NRIP3: variants seen among roughly 807,000 people sequenced by gnomAD.
The protein encoded by NRIP3 is nuclear receptor interacting protein 3, also known as nuclear receptor-interacting protein 3.
A neutral mutation model predicts 29.0 loss-of-function variants in NRIP3; 31 were observed. The observed-to-expected ratio is 1.07, with a 90% CI of 0.80 to 1.44. The LOEUF is 1.44. Ranked by LOEUF, NRIP3 falls within the 40% of genes most tolerant of loss-of-function variation. The pLI is 0.00. For missense variants in NRIP3, 314 were observed against 297.9 expected, an observed-to-expected ratio of 1.05 and a Z score of -0.40; for synonymous variants, 131 against 118.3, an observed-to-expected ratio of 1.11 and a Z score of -0.70.
chr11:8,998,408 C>G (rs545706661), intron 1 of NRIP3, among the ~76,000 whole-genome samples: 1 of 152,146 alleles, frequency 6.6e-6, no homozygotes, highest in Non-Finnish European at 1.5e-5. Flanking sequence ...CAGCTGCTCA[C>G]GGAGGCTGCA....
chr11:9,002,396 A>G (rs1177611440), intron 1 of NRIP3, among the ~76,000 whole-genome samples: 1 of 152,138 alleles, frequency 6.6e-6, no homozygotes, highest in East Asian at 1.9e-4. Flanking sequence ...GTTAGCATAA[A>G]TCAGATAAAC....
At position 8,983,937 on chromosome 11, in the gene NRIP3, G is replaced by T. The variant is rs777273501; in HGVS notation, c.648C>A (p.Ile216=). 2 of 1,614,172 alleles carry T rather than the reference G, an allele frequency of 1.2e-6. No homozygotes were observed. The highest frequency in any genetic ancestry group is 4.5e-5 in the East Asian group (2 of 44,886). Residue 216 remains isoleucine (I), a synonymous_variant, in exon 6 of 7, where the codon ATC becomes ATA. Coordinates refer to ENST00000309166, the MANE Select transcript of NRIP3 (RefSeq NM_020645.3). ...TTTCTTCCTTGTCTGTCTTCCCCATGATCAGCCGGTGCTTATCCAAGTTTA... is the reference window on the plus strand; with the variant it reads ...TTTCTTCCTTGTCTGTCTTCCCCATTATCAGCCGGTGCTTATCCAAGTTTA... ...CIINLDKHRL[I]MGKTDKEEIP... is the part of the protein sequence containing the mutation.
At position 8,982,734 on chromosome 11, in the gene NRIP3, G is replaced by A. The variant is rs977353044; in HGVS notation, c.*811C>T. 21 of 271,606 alleles carry A rather than the reference G, an allele frequency of 7.7e-5. No individual in the cohort carries two copies. Among genetic ancestry groups the A allele is most frequent in the African/African-American group, 3.7e-4 (16 of 43,782 alleles). The allele number at this position is 271,606 out of a possible 1,614,324, so 16.8% of individuals were successfully genotyped here. On this transcript the variant is annotated 3_prime_UTR_variant, in exon 7 of 7. Transcript: ENST00000309166. ...TGAGGGCCTAAATGTGACAGTTTGG[G>A]GCAAGGAACTTTTACTGGGCTTGGC...
At chr11:8,990,822 A>G (rs956221489) in intron 1 of NRIP3, among the ~76,000 whole-genome samples, 3 of 152,034 alleles carry the variant, frequency 2.0e-5, no homozygotes, top group African/African-American at 7.2e-5. Flanking sequence ...AAATACATAA[A>G]TAAATAAAAT....
chr11:8,988,747 T>G (rs1407530875), intron 1 of NRIP3, among the ~76,000 whole-genome samples: 1 of 152,242 alleles, frequency 6.6e-6, no homozygotes, highest in Non-Finnish European at 1.5e-5. Context: ...AACACAGGTA[T>G]TCAGAAGCTC....
At chr11:8,992,201 G>T (rs1854614667) in intron 1 of NRIP3, among the ~76,000 whole-genome samples, 1 of 152,200 alleles carries the variant, frequency 6.6e-6, no homozygotes, top group Non-Finnish European at 1.5e-5. Context: ...ATGCAATTAG[G>T]GTTGGAAATA....
At chr11:8,995,726 C>G (rs559503255) in intron 1 of NRIP3, among the ~76,000 whole-genome samples, 1 of 152,158 alleles carries the variant, frequency 6.6e-6, no homozygotes, top group African/African-American at 2.4e-5. Flanking sequence ...TACTCAAAAC[C>G]CTTCAATGGC....
chr11:8,999,080 G>T (rs1169768068), intron 1 of NRIP3, among the ~76,000 whole-genome samples: 1 of 152,118 alleles, frequency 6.6e-6, no homozygotes, highest in African/African-American at 2.4e-5. Context: ...TGGGATTACA[G>T]GCATGAGCCA....
intron 1 of NRIP3, among the ~76,000 whole-genome samples, chr11:8,988,646 G>A (rs956943261): frequency 1.3e-5 from 2 of 152,318 alleles, no homozygotes; most frequent in Admixed American, 6.5e-5. Context: ...TCTTAGTCTA[G>A]AGTAAGTAAT....
Position 8,983,483 on chromosome 11 carries a change from T to C in NRIP3, c.*62A>G. 2 of 1,565,402 alleles carry C rather than the reference T, an allele frequency of 1.3e-6. No individual in the cohort carries two copies. The highest frequency in any genetic ancestry group is 2.2e-5 in the East Asian group (1 of 44,580). ...CTACGGCATTTGGTTCAAACCCAGT[T>C]TTCTCTATCTGTCAACCCGGTGTGT... On this transcript the variant is annotated 3_prime_UTR_variant, in exon 7 of 7. Transcript: ENST00000309166.
intron 1 of NRIP3, among the ~76,000 whole-genome samples, chr11:9,001,286 A>G (rs1380614878): frequency 6.6e-6 from 1 of 152,150 alleles, no homozygotes; most frequent in African/African-American, 2.4e-5. Flanking sequence ...TTGATTTCCT[A>G]TGGTTGCCTT....
intron 1 of NRIP3, among the ~76,000 whole-genome samples, chr11:8,998,879 C>T (rs773034973): frequency 2.0e-5 from 3 of 149,808 alleles, no homozygotes; most frequent in Non-Finnish European, 4.4e-5. Flanking sequence ...CTGCAAGCTC[C>T]GCCTCCTGGG....
chr11:8,986,585 C>T (rs1217089085), intron 3 of NRIP3, among the ~76,000 whole-genome samples: 1 of 152,140 alleles, frequency 6.6e-6, no homozygotes. Context: ...TATAGCCCAT[C>T]CAAAAGAAAA....
rs867231497 is a variant in NRIP3 at position 9,003,782 on chromosome 11, GCTT to G, written c.151_153del (p.Lys51del). On this transcript the variant is annotated inframe_deletion, in exon 1 of 7. Transcript: ENST00000309166. ...CTCACCATGTCCTTGGACGAGCCCA[GCTT>G]CTTGAGGCCGTCCAGGGGCAGCAGG... is the stretch of plus-strand genomic sequence containing the variant. 4.7e-6 allele frequency: 7 copies of G among 1,488,754 alleles called. No individual in the cohort carries two copies. The African/African-American group carries it at 1.0e-4, about 22-fold the overall frequency. 92.2% of individuals were successfully genotyped at this position (1,488,754 alleles called of 1,614,324 possible).
At chr11:8,991,209 G>A (rs1211333683) in intron 1 of NRIP3, among the ~76,000 whole-genome samples, 1 of 152,066 alleles carries the variant, frequency 6.6e-6, no homozygotes, top group Non-Finnish European at 1.5e-5. Flanking sequence ...GCTGAGGCAG[G>A]AGAATGGCAT....
At chr11:8,998,631 G>A (rs945017891) in intron 1 of NRIP3, among the ~76,000 whole-genome samples, 3 of 152,022 alleles carry the variant, frequency 2.0e-5, no homozygotes, top group East Asian at 1.9e-4. Flanking sequence ...CACTTCTTCC[G>A]CTGGACTCCT....
At chr11:8,984,772 CTCTCTG>C (rs150067502) in intron 4 of NRIP3, among the ~76,000 whole-genome samples, 3,651 of 152,140 alleles carry the variant, frequency 0.024, 151 homozygotes, top group African/African-American at 0.084. Context: ...AAGTAAGTTG[CTCTCTG>C]TCTCTAACTA....
intron 4 of NRIP3, among the ~76,000 whole-genome samples, chr11:8,985,150 C>G (rs1854495819): frequency 6.7e-6 from 1 of 149,032 alleles, no homozygotes; most frequent in Admixed American, 6.8e-5. Context: ...TGCGCCCGGC[C>G]TCTTGCTCCT....
At position 8,983,607 on chromosome 11, in the gene NRIP3, AAAGTT is replaced by A. The variant is rs1170106561; in HGVS notation, c.711-52_711-48del. 18 of 1,595,348 alleles carry A rather than the reference AAAGTT, an allele frequency of 1.1e-5. No homozygotes were observed. In the South Asian group the frequency reaches 1.9e-4, roughly 17 times the overall value. Reference sequence around the variant, plus strand: ...AGGAGAAATAATGCCAAATTCAAAAAAAGTTAAGCTGAAGGCAAGTAAAATTTTGC... The same window carrying A: ...AGGAGAAATAATGCCAAATTCAAAAAAAGCTGAAGGCAAGTAAAATTTTGC... On this transcript the variant is annotated intron_variant, in intron 6 of 6. Transcript: ENST00000309166.
Sources: gnomAD v4.1 joint callset for allele counts (sites outside exome capture counted in the v4.1 genomes callset) on GRCh38, gnomAD v4.1.1 for gene constraint, MANE v1.5 for transcripts, NCBI Gene and HGNC (gene_info 2026-07-23, HGNC 2026-07-21) for gene names.